The following KCNJ6 variants were observed in gnomAD, a reference collection of about 807,000 sequenced individuals.
KCNJ6 encodes the protein G protein-activated inward rectifier potassium channel 2.
KCNJ6 carries 9 observed loss-of-function variants against 34.2 expected under a neutral mutation model. The observed-to-expected ratio is 0.26, with a 90% CI of 0.16 to 0.46. KCNJ6 has a LOEUF of 0.46. KCNJ6 is among the 20% of genes least tolerant of loss of function. The pLI is 1.00. For missense variants in KCNJ6, 236 were observed against 531.3 expected, an observed-to-expected ratio of 0.44 and a Z score of 5.46; for synonymous variants, 196 against 207.1, an observed-to-expected ratio of 0.95 and a Z score of 0.46.
chr21:37,713,599 G>A, intron 3 of KCNJ6, among the ~76,000 whole-genome samples: 1 of 152,304 alleles, frequency 6.6e-6, no homozygotes, highest in East Asian at 1.9e-4. Context: ...CAGCAGGAGG[G>A]CCGGCGGGAT....
In KCNJ6 at chr21:37,619,709, T is replaced by C. The variant is rs1297183630; in HGVS notation, c.*5450A>G. On this transcript the variant is annotated 3_prime_UTR_variant, in exon 4 of 4. Coordinates refer to ENST00000609713, the MANE Select transcript of KCNJ6 (RefSeq NM_002240.5). ...AGCCATGTGGAGGAGCGAGGCGGGTTTGATGTGTGGCAACCACTGCAGGTC... is the reference window on the plus strand; with the variant it reads ...AGCCATGTGGAGGAGCGAGGCGGGTCTGATGTGTGGCAACCACTGCAGGTC... The C allele has an allele frequency of 6.6e-6, 1 of 152,276 alleles. No individual in the cohort carries two copies. Among genetic ancestry groups the C allele is most frequent in the Non-Finnish European group, 1.5e-5 (1 of 68,082 alleles). The allele number at this position is 152,276 out of a possible 1,614,324, so 9.4% of individuals were successfully genotyped here.
intron 1 of KCNJ6, among the ~76,000 whole-genome samples, chr21:37,864,869 CTCTT>C (rs901008222): frequency 1.4e-4 from 19 of 139,578 alleles, no homozygotes; most frequent in South Asian, 1.1e-3. Context: ...CTGTCTCTCT[CTCTT>C]TTTTTTTTTT....
chr21:37,694,010 C>T (rs1031004133), intron 3 of KCNJ6, among the ~76,000 whole-genome samples: 8 of 152,122 alleles, frequency 5.3e-5, no homozygotes, highest in Admixed American at 6.5e-5. Context: ...ATTTAATCCC[C>T]TAGCCTTTTT....
chr21:37,671,760 A>G (rs1020570442), intron 3 of KCNJ6, among the ~76,000 whole-genome samples: 2 of 152,256 alleles, frequency 1.3e-5, no homozygotes, highest in African/African-American at 4.8e-5. Context: ...AATGACCTGC[A>G]GCACTGGTTG....
At chr21:37,830,254 T>C (rs1453970658) in intron 2 of KCNJ6, among the ~76,000 whole-genome samples, 5 of 152,128 alleles carry the variant, frequency 3.3e-5, no homozygotes, top group Admixed American at 3.3e-4. Flanking sequence ...ATCATCCCAG[T>C]GTTAGGCAAG....
At chr21:37,835,248 G>A (rs995523645) in intron 2 of KCNJ6, among the ~76,000 whole-genome samples, 5 of 152,212 alleles carry the variant, frequency 3.3e-5, no homozygotes, top group African/African-American at 4.8e-5. Context: ...ACAGAAGTGT[G>A]ATTTCAGCTT....
At position 37,714,344 on chromosome 21, in the gene KCNJ6, C is replaced by G. The variant is rs1177871649; in HGVS notation, c.813G>C (p.Leu271=). ...TAATGATCAGCGGTGACACCAGAAA[C>G]AGACGGTCATCCCCCGTGTAATACC... ...NVGYYTGDDR[L]FLVSPLIISH... Residue 271 remains leucine (L), a synonymous_variant, in exon 3 of 4, where the codon CTG becomes CTC. Transcript: ENST00000609713. The surrounding 1 kb of genome is among the most constrained non-coding windows in gnomAD (Gnocchi z 5.9). 6.2e-7 allele frequency: 1 copy of G among 1,614,040 alleles called. No homozygotes were observed. The highest frequency in any genetic ancestry group is 8.5e-7 in the Non-Finnish European group (1 of 1,180,026).
chr21:37,616,635 T>C lies in KCNJ6; in HGVS notation c.*8524A>G, dbSNP rs937676909. ...TATATATGGTTAGACTCTGAACATA[T>C]ACGCTCGGTTAAAATTGGTGGTGGC... On this transcript the variant is annotated 3_prime_UTR_variant, in exon 4 of 4. Coordinates refer to ENST00000609713, the MANE Select transcript of KCNJ6 (RefSeq NM_002240.5). The C allele has an allele frequency of 3.0e-5, 3 of 100,786 alleles. No homozygotes were observed. The highest frequency in any genetic ancestry group is 1.2e-4 in the African/African-American group (3 of 25,576). 6.2% of individuals were successfully genotyped at this position (100,786 alleles called of 1,614,324 possible).
intron 1 of KCNJ6, among the ~76,000 whole-genome samples, chr21:37,889,992 T>C (rs79511095): frequency 2.6e-5 from 4 of 152,116 alleles, no homozygotes; most frequent in African/African-American, 9.7e-5. Context: ...CACAAATTCA[T>C]TTTTTTTCTT....
chr21:37,742,112 T>C (rs1036394572), intron 2 of KCNJ6, among the ~76,000 whole-genome samples: 1 of 152,144 alleles, frequency 6.6e-6, no homozygotes, highest in African/African-American at 2.4e-5. Flanking sequence ...TCCTGTGTGA[T>C]TGGTGAGGGG....
chr21:37,656,754 G>C (rs567840541), intron 3 of KCNJ6, among the ~76,000 whole-genome samples: 72 of 152,346 alleles, frequency 4.7e-4, no homozygotes, highest in African/African-American at 6.7e-4. Flanking sequence ...GAGGATGGAA[G>C]AGAAATTCAC....
intron 2 of KCNJ6, among the ~76,000 whole-genome samples, chr21:37,793,545 C>CAAAA (rs954872713): frequency 5.0e-5 from 1 of 19,880 alleles, no homozygotes; most frequent in Non-Finnish European, 1.1e-4. Context: ...GACTCCATCT[C>CAAAA]AAAAAAAAAA....
chr21:37,656,949 A>T (rs574814768), intron 3 of KCNJ6, among the ~76,000 whole-genome samples: 5 of 152,280 alleles, frequency 3.3e-5, no homozygotes, highest in African/African-American at 1.2e-4. Context: ...CACCCAAAGA[A>T]AAGTTCCAGG....
intron 3 of KCNJ6, among the ~76,000 whole-genome samples, chr21:37,667,883 G>A (rs998019508): frequency 2.0e-5 from 3 of 150,068 alleles, no homozygotes; most frequent in Admixed American, 6.7e-5. Flanking sequence ...AGCCTACCTC[G>A]ACTCTGGGCA....
Position 37,614,978 on chromosome 21 carries a change from T to A in KCNJ6, c.*10181A>T, listed in dbSNP as rs1354002898. On this transcript the variant is annotated 3_prime_UTR_variant, in exon 4 of 4. Transcript: ENST00000609713. ...TGAAGGTGCACACAGGGAGGAACCA[T>A]GTGATAACAGGCCACATGTTTTGTT... 2 of 152,244 alleles carry A rather than the reference T, an allele frequency of 1.3e-5. No individual in the cohort carries two copies. 9.4% of individuals were successfully genotyped at this position (152,244 alleles called of 1,614,324 possible).
At chr21:37,811,312 G>A (rs1003767078) in intron 2 of KCNJ6, among the ~76,000 whole-genome samples, 6 of 152,122 alleles carry the variant, frequency 3.9e-5, no homozygotes, top group Admixed American at 1.3e-4. Context: ...GTGTTTTCCT[G>A]AGGACTGTGA....
At chr21:37,755,576 G>T (rs781669819) in intron 2 of KCNJ6, among the ~76,000 whole-genome samples, 28 of 152,204 alleles carry the variant, frequency 1.8e-4, no homozygotes, top group Non-Finnish European at 3.8e-4. Context: ...TTGCCATGAG[G>T]GGCAACTGAA....
chr21:37,905,418 C>A (rs957791638), intron 1 of KCNJ6, among the ~76,000 whole-genome samples: 5 of 152,290 alleles, frequency 3.3e-5, no homozygotes, highest in East Asian at 3.9e-4. Context: ...GTAGACCATA[C>A]CCCTGCCTGA....
At position 37,795,233 on chromosome 21, in the gene KCNJ6, G is replaced by A. The variant is rs557616589; in HGVS notation, c.25+45425C>T. Among the ~76,000 whole-genome samples the A allele has an allele frequency of 8.5e-5, 13 of 152,270 alleles. No homozygotes were observed. In the South Asian group the frequency reaches 1.5e-3, roughly 17 times the overall value. ...AATGAAATGAAACCAAATTGTTGGC[G>A]CAGATGGAGGTAAACTTCTGTGTTT... is the stretch of plus-strand genomic sequence containing the variant. On this transcript the variant is annotated intron_variant, in intron 2 of 3. Coordinates refer to ENST00000609713, the MANE Select transcript of KCNJ6 (RefSeq NM_002240.5).
Sources: allele counts gnomAD v4.1 joint callset (sites outside exome capture counted in the v4.1 genomes callset), GRCh38; gene constraint gnomAD v4.1.1; non-coding constraint Gnocchi (gnomAD v3.1); transcripts MANE v1.5; gene names NCBI Gene and HGNC (gene_info 2026-07-23, HGNC 2026-07-21).